TMEM132B: variants seen among roughly 807,000 people sequenced by gnomAD.
TMEM132B encodes the protein transmembrane protein 132B.
A neutral mutation model predicts 90.8 loss-of-function variants in TMEM132B; 18 were observed. The observed-to-expected ratio is 0.20, with a 90% CI of 0.14 to 0.29. The LOEUF (loss-of-function observed/expected upper bound fraction) is 0.29, where lower values mean the gene tolerates loss of function less well. Ranked by LOEUF, TMEM132B falls within the 10% of genes least tolerant of loss-of-function variation. The probability of loss-of-function intolerance (pLI) is 1.00; values close to 1 mark genes in which losing one functional copy is unlikely to be tolerated. For missense variants in TMEM132B, 1,096 were observed against 1,326.8 expected, an observed-to-expected ratio of 0.83 and a Z score of 2.70; for synonymous variants, 504 against 523.3, an observed-to-expected ratio of 0.96 and a Z score of 0.50.
At chr12:125,385,389 T>G (rs1878801430) in intron 2 of TMEM132B, among the ~76,000 whole-genome samples, 1 of 152,192 alleles carries the variant, frequency 6.6e-6, no homozygotes, top group Non-Finnish European at 1.5e-5. Context: ...GGAGGTTAGC[T>G]CCGCAGAGCC....
chr12:125,390,170 C>T (rs1432950602), intron 2 of TMEM132B, among the ~76,000 whole-genome samples: 5 of 152,176 alleles, frequency 3.3e-5, no homozygotes, highest in Non-Finnish European at 7.3e-5. Context: ...AATGTGTTCA[C>T]CAAAAGACAC....
At chr12:125,494,174 CGTCCCTCCTCCCCCTCCTCCCTGGAA>C (rs1882447257) in intron 3 of TMEM132B, among the ~76,000 whole-genome samples, 1 of 128,986 alleles carries the variant, frequency 7.8e-6, no homozygotes, top group African/African-American at 3.0e-5. Flanking sequence ...GAAATGACCG[CGTCCCTCCTCCCCCTCCTCCCTGGAA>C]ATGGATGCGT....
chr12:125,444,726 T>A (rs1880958033), intron 3 of TMEM132B, among the ~76,000 whole-genome samples: 1 of 152,210 alleles, frequency 6.6e-6, no homozygotes, highest in Non-Finnish European at 1.5e-5. Context: ...AACACTAATC[T>A]AGGTGTTGCA....
rs372075932 is a variant in TMEM132B at position 125,271,922 on chromosome 12, C to T, written c.68-77530C>T. ...TTAAAAGCAGACTCTATCACTACCA[C>T]AAATAGAAAGCCAGTATCACTTGCC... On this transcript the variant is annotated intron_variant, in intron 1 of 8. Coordinates refer to ENST00000682704, the MANE Select transcript of TMEM132B (RefSeq NM_001366854.1). 7.9e-5 allele frequency among the ~76,000 whole-genome samples: 12 copies of T among 152,268 alleles called. No individual in the cohort carries two copies. In the South Asian group the frequency reaches 2.5e-3, roughly 32 times the overall value.
intron 4 of TMEM132B, among the ~76,000 whole-genome samples, chr12:125,529,068 TCTTC>T (rs1325823687): frequency 6.6e-6 from 1 of 150,822 alleles, no homozygotes; most frequent in Non-Finnish European, 1.5e-5. Flanking sequence ...CCTTGTTTCT[TCTTC>T]CTTCTCCTCC....
chr12:125,383,637 G>A (rs1449313783), intron 2 of TMEM132B, among the ~76,000 whole-genome samples: 1 of 152,180 alleles, frequency 6.6e-6, no homozygotes, highest in Non-Finnish European at 1.5e-5. Flanking sequence ...TTAAGTCAGT[G>A]CATATTTTTA....
At chr12:125,652,942 A>T (rs1886964079) in intron 8 of TMEM132B, among the ~76,000 whole-genome samples, 1 of 152,238 alleles carries the variant, frequency 6.6e-6, no homozygotes, top group African/African-American at 2.4e-5. Flanking sequence ...CTTTTGCCAA[A>T]GCAGGTGGTT....
chr12:125,273,308 C>T (rs564949217), intron 1 of TMEM132B, among the ~76,000 whole-genome samples: 26 of 152,222 alleles, frequency 1.7e-4, no homozygotes, highest in African/African-American at 6.3e-4. Context: ...AAAAACAGGC[C>T]GGGTGTGGTG....
intron 3 of TMEM132B, among the ~76,000 whole-genome samples, chr12:125,475,235 G>A (rs1408510837): frequency 1.3e-5 from 2 of 152,144 alleles, no homozygotes; most frequent in Admixed American, 1.3e-4. Flanking sequence ...TGTAATTTAG[G>A]TTAGTATCAT....
At chr12:125,569,481 G>GA (rs925707993) in intron 4 of TMEM132B, among the ~76,000 whole-genome samples, 1 of 152,108 alleles carries the variant, frequency 6.6e-6, no homozygotes, top group African/African-American at 2.4e-5. Flanking sequence ...CTGGTAAGGT[G>GA]AAACATTTGT....
chr12:125,625,468 G>A (rs1395862508), intron 5 of TMEM132B, among the ~76,000 whole-genome samples: 2 of 152,148 alleles, frequency 1.3e-5, no homozygotes, highest in African/African-American at 2.4e-5. Context: ...TGCATTGAAA[G>A]TTCATCTGTG....
chr12:125,493,252 A>C (rs2055393410), intron 3 of TMEM132B, among the ~76,000 whole-genome samples: 1 of 152,196 alleles, frequency 6.6e-6, no homozygotes, highest in South Asian at 2.1e-4. Context: ...GCCAAAAAAC[A>C]TCTAGGGGAA....
At position 125,502,494 on chromosome 12, in the gene TMEM132B, G is replaced by A. The variant is rs558821171; in HGVS notation, c.1107-16945G>A. On this transcript the variant is annotated intron_variant, in intron 3 of 8. Transcript: ENST00000682704. The stretch of plus-strand genomic sequence containing the variant: ...GAGATTCATGCTAGTAACTAAGTAC[G>A]TATTCTGGACTGAAGGGAGATACAA... Among the ~76,000 whole-genome samples the A allele has an allele frequency of 5.9e-5, 9 of 152,304 alleles. No individual in the cohort carries two copies. The East Asian group carries it at 1.5e-3, about 26-fold the overall frequency.
intron 3 of TMEM132B, among the ~76,000 whole-genome samples, chr12:125,447,086 C>A (rs1438790027): frequency 6.6e-6 from 1 of 152,052 alleles, no homozygotes; most frequent in Non-Finnish European, 1.5e-5. Flanking sequence ...ACTTTTAATT[C>A]CAACCTATGT....
chr12:125,477,699 T>A (rs1479681169), intron 3 of TMEM132B, among the ~76,000 whole-genome samples: 1 of 152,120 alleles, frequency 6.6e-6, no homozygotes, highest in Non-Finnish European at 1.5e-5. Context: ...AAAGTGTAGA[T>A]AGAAAAAGTC....
At chr12:125,312,869 G>C (rs1232275090) in intron 1 of TMEM132B, among the ~76,000 whole-genome samples, 3 of 152,178 alleles carry the variant, frequency 2.0e-5, no homozygotes, top group Non-Finnish European at 4.4e-5. Context: ...AGGGTGTCTA[G>C]AATGGGCCAT....
intron 5 of TMEM132B, chr12:125,584,930 A>T (rs928600044): frequency 6.6e-6 from 1 of 152,216 alleles, no homozygotes; most frequent in Non-Finnish European, 1.5e-5. Flanking sequence ...AAAATACAAT[A>T]ACTCAGAGTT....
chr12:125,231,173 C>G (rs1183995976), intron 1 of TMEM132B, among the ~76,000 whole-genome samples: 1 of 151,890 alleles, frequency 6.6e-6, no homozygotes, highest in East Asian at 1.9e-4. Context: ...TTGCCTCGCT[C>G]CTGTCTCTGC....
chr12:125,517,326 G>GGTTTTT (rs1566060662), intron 3 of TMEM132B, among the ~76,000 whole-genome samples: 2 of 88,032 alleles, frequency 2.3e-5, no homozygotes, highest in Non-Finnish European at 4.8e-5. Context: ...ATGCCCTGCT[G>GGTTTTT]ATTTTTTTTT....
Sources: gnomAD v4.1 joint callset for allele counts (sites outside exome capture counted in the v4.1 genomes callset) on GRCh38, gnomAD v4.1.1 for gene constraint, MANE v1.5 for transcripts, NCBI Gene and HGNC (gene_info 2026-07-23, HGNC 2026-07-21) for gene names.